Variants in GNAL observed in about 807,000 individuals in gnomAD.
GNAL encodes the protein G protein subunit alpha L.
Under a neutral mutation model 55.1 loss-of-function variants are expected in GNAL, and 18 were observed. That is an observed-to-expected ratio of 0.33 (90% confidence interval 0.23 to 0.48). The LOEUF is 0.48. Among genes scored for constraint, GNAL ranks in the 20% least tolerant of loss-of-function variants. The pLI is 0.99. For missense variants in GNAL, 412 were observed against 614.1 expected (o/e 0.67, Z 3.48); for synonymous variants, 253 against 237.0 (o/e 1.07, Z -0.62).
At chr18:11,801,064 G>A (rs181586806) in intron 4 of GNAL, among the ~76,000 whole-genome samples, 1 of 152,302 alleles carries the variant, frequency 6.6e-6, no homozygotes, top group Admixed American at 6.5e-5. Context: ...GACAGAGTGA[G>A]AGAAGACACT....
intron 4 of GNAL, among the ~76,000 whole-genome samples, chr18:11,793,300 G>T (rs755950918): frequency 6.6e-6 from 1 of 152,238 alleles, no homozygotes; most frequent in African/African-American, 2.4e-5. Context: ...TTTTGCTTGG[G>T]TGCAGTGGCT....
rs2035086862 is a variant in GNAL at position 11,821,451 on chromosome 18, TGA to T, written c.625-3463_625-3462del. Among the ~76,000 whole-genome samples, 5 of 152,168 alleles carry T rather than the reference TGA, an allele frequency of 3.3e-5. No individual in the cohort carries two copies. In the South Asian group the frequency reaches 8.3e-4, roughly 25 times the overall value. On this transcript the variant is annotated intron_variant, in intron 4 of 11. Transcript: ENST00000334049. ...ACAACAGCGACCTCTTCCAGTTTTG[TGA>T]GAGTTAAATGCGATCATGTGTTAAA...
At chr18:11,879,368 C>G (rs913525154) in intron 11 of GNAL, among the ~76,000 whole-genome samples, 13 of 152,044 alleles carry the variant, frequency 8.6e-5, no homozygotes, top group African/African-American at 2.7e-4. Context: ...AGAAGGTGAG[C>G]TTCCACAGGA....
chr18:11,706,703 A>G (rs1206080835), intron 1 of GNAL, among the ~76,000 whole-genome samples: 2 of 152,210 alleles, frequency 1.3e-5, no homozygotes, highest in Non-Finnish European at 2.9e-5. Flanking sequence ...CCAGGAGAAC[A>G]TTGCATCTAA....
chr18:11,797,371 A>C (rs2034418030), intron 4 of GNAL, among the ~76,000 whole-genome samples: 1 of 152,136 alleles, frequency 6.6e-6, no homozygotes, highest in Admixed American at 6.5e-5. Flanking sequence ...TTGTCTCTTT[A>C]ATTTCTTATT....
intron 5 of GNAL, among the ~76,000 whole-genome samples, chr18:11,861,747 T>C (rs1022674993): frequency 6.6e-6 from 1 of 152,124 alleles, no homozygotes; most frequent in Non-Finnish European, 1.5e-5. Context: ...CCATCCTGCC[T>C]TGTGTGGGAC....
At chr18:11,852,853 C>T (rs2035913233) in intron 5 of GNAL, 1 of 166,920 alleles carries the variant, frequency 6.0e-6, no homozygotes, top group Non-Finnish European at 1.5e-5. Context: ...TTTATATTTT[C>T]TACTTACTAA....
At chr18:11,855,635 T>G (rs1427056449) in intron 5 of GNAL, among the ~76,000 whole-genome samples, 1 of 152,168 alleles carries the variant, frequency 6.6e-6, no homozygotes, top group Non-Finnish European at 1.5e-5. Context: ...AGGCAGACCA[T>G]GAGGTTTGGA....
chr18:11,791,315 C>T (rs113163556), intron 4 of GNAL, among the ~76,000 whole-genome samples: 2,478 of 152,276 alleles, frequency 0.016, 73 homozygotes, highest in African/African-American at 0.057. Context: ...TTGCCAGCCA[C>T]AGGAATGGGA....
Position 11,808,374 on chromosome 18 carries a change from GATTA to G in GNAL, c.625-16543_625-16540del, listed in dbSNP as rs2034720446. ...GCCAGGCTTTGGGGCTTTCTTATTT[GATTA>G]TTTGGAATTGTCAGGAATTCCAAGA... On this transcript the variant is annotated intron_variant, in intron 4 of 11. Transcript: ENST00000334049. Among the ~76,000 whole-genome samples the G allele has an allele frequency of 1.6e-4, 24 of 152,274 alleles. No individual in the cohort carries two copies. The South Asian group carries it at 5.0e-3, about 32-fold the overall frequency.
chr18:11,717,021 G>C (rs956750506), intron 1 of GNAL, among the ~76,000 whole-genome samples: 5 of 152,228 alleles, frequency 3.3e-5, no homozygotes, highest in Admixed American at 3.3e-4. Flanking sequence ...GGGAGGCTCA[G>C]CTTTGCAGGA....
chr18:11,794,720 A>G (rs925808908), intron 4 of GNAL, among the ~76,000 whole-genome samples: 1 of 135,810 alleles, frequency 7.4e-6, no homozygotes, highest in Admixed American at 8.1e-5. Context: ...GGTTACTTTT[A>G]TGTTATGTGA....
At chr18:11,851,375 C>T in intron 5 of GNAL, 2 of 1,166,352 alleles carry the variant, frequency 1.7e-6, no homozygotes, top group Non-Finnish European at 1.2e-6. Flanking sequence ...TCTGACGTCA[C>T]CACCTGCGCC....
chr18:11,747,783 C>T (rs2032723340), intron 1 of GNAL, among the ~76,000 whole-genome samples: 1 of 152,116 alleles, frequency 6.6e-6, no homozygotes, highest in Non-Finnish European at 1.5e-5. Flanking sequence ...GAGGAAACAA[C>T]TGTTTTACTT....
chr18:11,884,987 GAAC>G lies in GNAL; in HGVS notation c.*3855_*3857del. The G allele has an allele frequency of 7.7e-7, 1 of 1,302,692 alleles. No individual in the cohort carries two copies. The allele number at this position is 1,302,692 out of a possible 1,614,324, so 80.7% of individuals were successfully genotyped here. On this transcript the variant is annotated 3_prime_UTR_variant, in exon 12 of 12. Transcript: ENST00000334049. ...AGTTCCAGGGTCATCGGTCAGCGAG[GAAC>G]AAGGAGGGAAAGGTGTCTTCCTGCC...
intron 5 of GNAL, among the ~76,000 whole-genome samples, chr18:11,847,276 T>A (rs1375699799): frequency 6.6e-6 from 1 of 152,046 alleles, no homozygotes; most frequent in Non-Finnish European, 1.5e-5. Context: ...ATGCAAACTG[T>A]GATAAGTAGG....
intron 1 of GNAL, among the ~76,000 whole-genome samples, chr18:11,727,699 A>C (rs1195352814): frequency 6.6e-6 from 1 of 152,230 alleles, no homozygotes; most frequent in African/African-American, 2.4e-5. Flanking sequence ...AAACAAGTGT[A>C]AGGTAGAGAG....
intron 1 of GNAL, among the ~76,000 whole-genome samples, chr18:11,741,961 A>G (rs1457539540): frequency 6.6e-6 from 1 of 152,166 alleles, no homozygotes; most frequent in Non-Finnish European, 1.5e-5. Context: ...CTTCACCACC[A>G]TCCATCTCCA....
At chr18:11,792,809 A>G (rs1276380172) in intron 4 of GNAL, among the ~76,000 whole-genome samples, 2 of 152,224 alleles carry the variant, frequency 1.3e-5, no homozygotes, top group African/African-American at 4.8e-5. Flanking sequence ...GTCTTTGGCA[A>G]ACTACCAACC....
Sources: gnomAD v4.1 joint callset for allele counts (sites outside exome capture counted in the v4.1 genomes callset) on GRCh38, gnomAD v4.1.1 for gene constraint, MANE v1.5 for transcripts, NCBI Gene and HGNC (gene_info 2026-07-23, HGNC 2026-07-21) for gene names.